NPFFR1: variants seen among roughly 807,000 people sequenced by gnomAD.
The protein encoded by NPFFR1 is neuropeptide FF receptor 1.
NPFFR1 carries 17 observed loss-of-function variants against 12.7 expected under a neutral mutation model. That is an observed-to-expected ratio of 1.34 (90% confidence interval 0.92 to 2.01). The LOEUF (loss-of-function observed/expected upper bound fraction) is 2.01, where lower values mean the gene tolerates loss of function less well. Among genes scored for constraint, NPFFR1 ranks in the 30% most tolerant of loss-of-function variants. The pLI, the probability that NPFFR1 is intolerant of heterozygous loss-of-function variation, is 0.00. For synonymous variants in NPFFR1, 296 were observed against 264.5 expected (o/e 1.12, Z -1.16); for missense variants, 604 against 606.5 (o/e 1.00, Z 0.04).
At chr10:70,257,761 T>C (rs2136792519) in intron 3 of NPFFR1, among the ~76,000 whole-genome samples, 1 of 152,356 alleles carries the variant, frequency 6.6e-6, no homozygotes, top group Non-Finnish European at 1.5e-5. Flanking sequence ...AACCCTATTG[T>C]ACATTTGTTC....
chr10:70,274,740 G>C (rs1326686910), intron 1 of NPFFR1, among the ~76,000 whole-genome samples: 1 of 152,214 alleles, frequency 6.6e-6, no homozygotes, highest in Non-Finnish European at 1.5e-5. Context: ...AATACATTCA[G>C]AGAGACAGCA....
chr10:70,261,347 C>A (rs1024547986), intron 2 of NPFFR1, among the ~76,000 whole-genome samples: 17 of 152,290 alleles, frequency 1.1e-4, no homozygotes, highest in Non-Finnish European at 1.8e-4. Context: ...TGAGGCCTTC[C>A]CATCCCTGCA....
In NPFFR1 at chr10:70,253,687, C is replaced by CT. The variant is rs1840534580; in HGVS notation, c.*1269dup. The CT allele has an allele frequency of 6.6e-6, 1 of 152,100 alleles. No homozygotes were observed. Among genetic ancestry groups the CT allele is most frequent in the African/African-American group, 2.4e-5 (1 of 41,404 alleles). 9.4% of individuals were successfully genotyped at this position (152,100 alleles called of 1,614,324 possible). On this transcript the variant is annotated 3_prime_UTR_variant, in exon 4 of 4. Transcript: ENST00000277942. ...AGAGCCCCGACCCCTGGAAACGTTT[C>CT]TTTTTTGTTTACTAAATTTCTAGCA...
rs117341303 is a variant in NPFFR1, at chr10:70,276,126, T to C, written c.7+7544A>G. ...GGGATCCTTGATTTGGAAGGAACTT[T>C]GCCTTCCTGAGGCTTCTGCTACAAA... On this transcript the variant is annotated intron_variant, in intron 1 of 3. Transcript: ENST00000277942. 4.4e-3 allele frequency among the ~76,000 whole-genome samples: 672 copies of C among 152,324 alleles called. 7 individuals are homozygous for C. Among genetic ancestry groups the C allele is most frequent in the Non-Finnish European group, 6.2e-3 (423 of 68,020 alleles).
At chr10:70,263,432 C>T (rs774821105) in intron 2 of NPFFR1, among the ~76,000 whole-genome samples, 4 of 152,080 alleles carry the variant, frequency 2.6e-5, no homozygotes, top group Non-Finnish European at 5.9e-5. Context: ...ACGACCACGC[C>T]CGGCTAATTT....
At chr10:70,262,216 A>G (rs548868976) in intron 2 of NPFFR1, among the ~76,000 whole-genome samples, 7 of 152,204 alleles carry the variant, frequency 4.6e-5, no homozygotes, top group Non-Finnish European at 1.0e-4. Context: ...ACTCAAGATA[A>G]ATAATTAACA....
At chr10:70,273,811 C>T (rs529441363) in intron 1 of NPFFR1, among the ~76,000 whole-genome samples, 58 of 152,212 alleles carry the variant, frequency 3.8e-4, no homozygotes, top group African/African-American at 1.3e-3. Flanking sequence ...GGCCAGCACT[C>T]GTTTCTGTTG....
Position 70,254,584 on chromosome 10 carries a change from T to G in NPFFR1, c.*373A>C. On this transcript the variant is annotated 3_prime_UTR_variant, in exon 4 of 4. Coordinates refer to ENST00000277942, the MANE Select transcript of NPFFR1 (RefSeq NM_022146.5). ...GGAGATGATAAAAACCACACAGGTA[T>G]TGGAGTCAGATAGCTTCACATGCCA... 1 of 206,700 alleles carries G rather than the reference T, an allele frequency of 4.8e-6. No individual in the cohort carries two copies. Among genetic ancestry groups the G allele is most frequent in the Non-Finnish European group, 9.6e-6 (1 of 104,534 alleles). The allele number at this position is 206,700 out of a possible 1,614,324, so 12.8% of individuals were successfully genotyped here. A position where few individuals can be genotyped will look rare whatever the true frequency, so the allele number is the denominator to read the frequency against.
chr10:70,252,273 A>G lies in NPFFR1; in HGVS notation c.*2684T>C, dbSNP rs1397281012. 1 of 152,304 alleles carries G rather than the reference A, an allele frequency of 6.6e-6. No individual in the cohort carries two copies. Among genetic ancestry groups the G allele is most frequent in the Non-Finnish European group, 1.5e-5 (1 of 68,070 alleles). The allele number at this position is 152,304 out of a possible 1,614,324, so 9.4% of individuals were successfully genotyped here. On this transcript the variant is annotated 3_prime_UTR_variant, in exon 4 of 4. Coordinates refer to ENST00000277942, the MANE Select transcript of NPFFR1 (RefSeq NM_022146.5). ...GACATTGTGCTAAGTGAAAGAAGCCAGTCAAAAAGGATAGTATTGTATGAT... is the reference window on the plus strand; with the variant it reads ...GACATTGTGCTAAGTGAAAGAAGCCGGTCAAAAAGGATAGTATTGTATGAT...
intron 1 of NPFFR1, among the ~76,000 whole-genome samples, chr10:70,278,164 A>T (rs111799009): frequency 6.6e-6 from 1 of 152,076 alleles, no homozygotes; most frequent in East Asian, 1.9e-4. Context: ...ACCAGTCCCA[A>T]TTCTGCTCCC....
At position 70,255,787 on chromosome 10, in the gene NPFFR1, G is replaced by A; in HGVS notation, c.463C>T (p.Leu155=). 1 of 1,611,436 alleles carries A rather than the reference G, an allele frequency of 6.2e-7. No homozygotes were observed. The highest frequency in any genetic ancestry group is 8.5e-7 in the Non-Finnish European group (1 of 1,178,944). The change falls in exon 4 of 4, where the codon CTG becomes TTG. Residue 155 remains leucine (L), a synonymous_variant. Transcript: ENST00000277942. This position sits in a 1 kb window ranked among gnomAD's most constrained non-coding sequence, Gnocchi z 4.2. ...GCGATGGTGACGAGCGCCTTCCGCA[G>A]GGTCAGCTTCTCGCGGAAAGGGTGC... ...IVHPFREKLT[L]RKALVTIAVI...
chr10:70,283,523 CTG>C, intron 1 of NPFFR1, 145 bp downstream of exon 1: 1 of 836,188 alleles, frequency 1.2e-6, no homozygotes, highest in South Asian at 1.4e-5. Context: ...CTCAGTGTCT[CTG>C]TCTCTGTCAC....
chr10:70,266,037 G>A (rs895006784), intron 2 of NPFFR1, 40 bp downstream of exon 2: 7 of 1,557,666 alleles, frequency 4.5e-6, no homozygotes, highest in Admixed American at 1.7e-5. Context: ...GTTGAAGTGG[G>A]GGGTAGGGGA....
intron 3 of NPFFR1, among the ~76,000 whole-genome samples, chr10:70,257,186 A>G (rs1431355341): frequency 6.6e-6 from 1 of 152,228 alleles, no homozygotes; most frequent in African/African-American, 2.4e-5. Context: ...ACTTGAGTCC[A>G]GGAGTGTAGG....
intron 2 of NPFFR1, 114 bp downstream of exon 2, chr10:70,265,963 C>T: frequency 1.0e-6 from 1 of 1,003,828 alleles, no homozygotes; most frequent in Non-Finnish European, 1.5e-6. Flanking sequence ...CACGGCATGG[C>T]CAAGAGGCCA....
intron 1 of NPFFR1, among the ~76,000 whole-genome samples, chr10:70,272,689 A>C (rs1018467775): frequency 1.3e-5 from 2 of 152,266 alleles, no homozygotes; most frequent in Non-Finnish European, 2.9e-5. Flanking sequence ...GGGCCAGAGC[A>C]TGGATGTGCC....
At chr10:70,273,421 G>A (rs886880401) in intron 1 of NPFFR1, among the ~76,000 whole-genome samples, 1 of 152,116 alleles carries the variant, frequency 6.6e-6, no homozygotes, top group Non-Finnish European at 1.5e-5. Flanking sequence ...CTTTCCTAGG[G>A]CTTCCTTTTG....
chr10:70,271,900 T>C (rs1589914656), intron 1 of NPFFR1, among the ~76,000 whole-genome samples: 1 of 152,002 alleles, frequency 6.6e-6, no homozygotes, highest in African/African-American at 2.4e-5. Flanking sequence ...GCAGATCACC[T>C]GAGGTCAGGA....
chr10:70,275,769 T>C (rs904918166), intron 1 of NPFFR1, among the ~76,000 whole-genome samples: 2 of 152,202 alleles, frequency 1.3e-5, no homozygotes, highest in African/African-American at 4.8e-5. Flanking sequence ...CTGTATCCCA[T>C]AGGTGCTATT....
Sources: allele counts gnomAD v4.1 joint callset (sites outside exome capture counted in the v4.1 genomes callset), GRCh38; gene constraint gnomAD v4.1.1; non-coding constraint Gnocchi (gnomAD v3.1); transcripts MANE v1.5; gene names NCBI Gene and HGNC (gene_info 2026-07-23, HGNC 2026-07-21).